The following AKAP19 variants were observed in gnomAD, a reference collection of about 807,000 sequenced individuals.
AKAP19 encodes small A-kinase anchoring protein.
At chr2:190,037,727 G>A in the AKAP19 span, among the ~76,000 whole-genome samples, 1 of 152,164 alleles carries the variant, frequency 6.6e-6, no homozygotes, top group Non-Finnish European at 1.5e-5. Flanking sequence ...TCTTCCTTAG[G>A]ATCCATGGTG....
At chr2:189,897,574 G>A in the AKAP19 span, among the ~76,000 whole-genome samples, 7 of 152,086 alleles carry the variant, frequency 4.6e-5, no homozygotes, top group African/African-American at 1.7e-4. Context: ...GTAATTTACT[G>A]AATTTCTCTA....
the AKAP19 span, among the ~76,000 whole-genome samples, chr2:190,155,293 G>C: frequency 6.6e-6 from 1 of 152,108 alleles, no homozygotes; most frequent in Non-Finnish European, 1.5e-5. Context: ...ACTAACAACA[G>C]AATAAAGTAT....
At chr2:189,931,801 T>TG in the AKAP19 span, among the ~76,000 whole-genome samples, 8 of 152,014 alleles carry the variant, frequency 5.3e-5, no homozygotes, top group Non-Finnish European at 8.8e-5. Context: ...TGTAATTTTT[T>TG]GGGGAGAGAT....
the AKAP19 span, among the ~76,000 whole-genome samples, chr2:190,077,965 A>G: frequency 6.6e-6 from 1 of 152,150 alleles, no homozygotes; most frequent in African/African-American, 2.4e-5. Context: ...GCCCATTGTG[A>G]ACTCAAATAA....
At chr2:190,193,241 T>C in the AKAP19 span, among the ~76,000 whole-genome samples, 4 of 152,156 alleles carry the variant, frequency 2.6e-5, no homozygotes, top group Non-Finnish European at 1.5e-5. Context: ...TATGTTAATA[T>C]AGTGAATTAT....
At chr2:190,005,737 G>A in the AKAP19 span, among the ~76,000 whole-genome samples, 1 of 152,166 alleles carries the variant, frequency 6.6e-6, no homozygotes, top group Non-Finnish European at 1.5e-5. Flanking sequence ...ATTCTCAAAA[G>A]GCAGTGCTGT....
the AKAP19 span, among the ~76,000 whole-genome samples, chr2:190,111,470 C>T: frequency 1.3e-5 from 2 of 152,160 alleles, no homozygotes; most frequent in Non-Finnish European, 2.9e-5. Context: ...TGATATTACA[C>T]TGTAAAGGCA....
At chr2:190,118,768 A>C in the AKAP19 span, among the ~76,000 whole-genome samples, 2 of 152,228 alleles carry the variant, frequency 1.3e-5, no homozygotes, top group African/African-American at 4.8e-5. Flanking sequence ...ATCATACTGA[A>C]TGGGCAAAAA....
the AKAP19 span, among the ~76,000 whole-genome samples, chr2:190,173,254 G>A: frequency 2.0e-5 from 3 of 152,214 alleles, no homozygotes; most frequent in African/African-American, 4.8e-5. Context: ...GAGGTTAGCA[G>A]TTAAGTGAAA....
the AKAP19 span, among the ~76,000 whole-genome samples, chr2:189,993,979 A>AT: frequency 3.5e-5 from 5 of 143,576 alleles, no homozygotes; most frequent in South Asian, 2.2e-4. Context: ...TATCTTTTGT[A>AT]TTTTTTTAAT....
chr2:190,121,763 T>A, the AKAP19 span, among the ~76,000 whole-genome samples: 1,839 of 152,304 alleles, frequency 0.012, 53 homozygotes, highest in African/African-American at 0.042. Context: ...CTGATTCTTA[T>A]GTGGGAATTT....
the AKAP19 span, chr2:189,931,008 C>T: frequency 5.2e-6 from 4 of 764,364 alleles, no homozygotes; most frequent in South Asian, 5.3e-5. Context: ...GGCAGTTCCC[C>T]ATCTTCTGGG....
chr2:190,062,670 G>A, the AKAP19 span: 2 of 1,469,004 alleles, frequency 1.4e-6, no homozygotes, highest in Admixed American at 3.8e-5. Flanking sequence ...TTTGAGTAAT[G>A]CCAAGCAAAA....
the AKAP19 span, among the ~76,000 whole-genome samples, chr2:189,914,876 G>A: frequency 1.3e-5 from 2 of 152,052 alleles, no homozygotes; most frequent in African/African-American, 4.8e-5. Flanking sequence ...GGAAGTAGTA[G>A]AGCCTGGATT....
chr2:190,007,739 T>C, the AKAP19 span, among the ~76,000 whole-genome samples: 2 of 152,166 alleles, frequency 1.3e-5, no homozygotes, highest in Non-Finnish European at 2.9e-5. Flanking sequence ...GGTGGGTGGA[T>C]TGCCTGAGCT....
the AKAP19 span, among the ~76,000 whole-genome samples, chr2:189,898,328 C>G: frequency 2.0e-4 from 31 of 152,216 alleles, no homozygotes; most frequent in Non-Finnish European, 3.8e-4. Context: ...TTTGTATAAA[C>G]TCATGTAGAG....
the AKAP19 span, among the ~76,000 whole-genome samples, chr2:189,926,063 T>C: frequency 1.3e-5 from 2 of 152,222 alleles, no homozygotes; most frequent in Admixed American, 6.5e-5. Context: ...CTAGATACTT[T>C]TTCTTTAGTT....
chr2:190,143,477 A>G, the AKAP19 span, among the ~76,000 whole-genome samples: 2 of 152,068 alleles, frequency 1.3e-5, no homozygotes, highest in African/African-American at 4.8e-5. Flanking sequence ...ATCACATTAC[A>G]CCTTGTGTAT....
At chr2:189,881,648 C>T in the AKAP19 span, among the ~76,000 whole-genome samples, 6 of 151,690 alleles carry the variant, frequency 4.0e-5, no homozygotes, top group Non-Finnish European at 7.4e-5. Context: ...CAGGGCTTTA[C>T]GAAAGCACAG....
Sources: allele counts gnomAD v4.1 joint callset (sites outside exome capture counted in the v4.1 genomes callset), GRCh38; gene constraint gnomAD v4.1.1; transcripts MANE v1.5; gene names NCBI Gene and HGNC (gene_info 2026-07-23, HGNC 2026-07-21).